ZNRF3: variants seen among roughly 807,000 people sequenced by gnomAD.
ZNRF3 encodes E3 ubiquitin-protein ligase ZNRF3.
A neutral mutation model predicts 72.5 loss-of-function variants in ZNRF3; 23 were observed. That is an observed-to-expected ratio of 0.32 (90% CI 0.23 to 0.45). The LOEUF (loss-of-function observed/expected upper bound fraction) is 0.45, where lower values mean the gene tolerates loss of function less well. Among genes scored for constraint, ZNRF3 ranks in the 20% least tolerant of loss-of-function variants. The probability of loss-of-function intolerance (pLI) is 1.00; values close to 1 mark genes in which losing one functional copy is unlikely to be tolerated. For missense variants in ZNRF3, 1,169 were observed against 1,272.1 expected, an observed-to-expected ratio of 0.92 and a Z score of 1.23; for synonymous variants, 610 against 545.3, an observed-to-expected ratio of 1.12 and a Z score of -1.65.
At chr22:28,977,480 C>T (rs936004749) in intron 1 of ZNRF3, among the ~76,000 whole-genome samples, 6 of 152,102 alleles carry the variant, frequency 3.9e-5, no homozygotes, top group African/African-American at 1.4e-4. Flanking sequence ...GTCCTTTTTC[C>T]TTTCTTTCAC....
chr22:29,023,919 T>C (rs1021034648), intron 2 of ZNRF3, among the ~76,000 whole-genome samples: 3 of 152,094 alleles, frequency 2.0e-5, no homozygotes, highest in African/African-American at 7.2e-5. Flanking sequence ...TTGTGGGGGT[T>C]ACATAGTGCT....
chr22:28,888,902 G>A (rs1273307678), intron 1 of ZNRF3, among the ~76,000 whole-genome samples: 3 of 152,080 alleles, frequency 2.0e-5, no homozygotes, highest in Non-Finnish European at 4.4e-5. Context: ...TGGATCACAA[G>A]GTCAGGAGTT....
intron 1 of ZNRF3, among the ~76,000 whole-genome samples, chr22:28,917,227 A>G (rs1377903005): frequency 6.6e-6 from 1 of 151,368 alleles, no homozygotes. Context: ...TTGGGGTTCC[A>G]GTAGAGTCCA....
intron 1 of ZNRF3, among the ~76,000 whole-genome samples, chr22:28,949,381 C>T (rs2064236765): frequency 6.6e-6 from 1 of 152,142 alleles, no homozygotes; most frequent in African/African-American, 2.4e-5. Context: ...CTCAAGTGAT[C>T]CTTCCACCTC....
In ZNRF3 at chr22:29,008,888, G is replaced by A. The variant is rs1206258685; in HGVS notation, c.426+21687G>A. ...CCAATTACTCTTTTTTGTTAACTAA[G>A]AAGATTTATACTGCTGTTGTGCTAG... On this transcript the variant is annotated intron_variant, in intron 2 of 8. Coordinates refer to ENST00000544604, the MANE Select transcript of ZNRF3 (RefSeq NM_001206998.2). 3.3e-5 allele frequency among the ~76,000 whole-genome samples: 5 copies of A among 152,204 alleles called. No homozygotes were observed. In the East Asian group the frequency reaches 9.6e-4, roughly 29 times the overall value.
chr22:29,043,638 T>C (rs1278129578), intron 4 of ZNRF3, among the ~76,000 whole-genome samples: 1 of 152,144 alleles, frequency 6.6e-6, no homozygotes, highest in African/African-American at 2.4e-5. Context: ...CTACCAGAAA[T>C]AGATACTTTT....
chr22:28,935,110 A>T (rs559003244), intron 1 of ZNRF3, among the ~76,000 whole-genome samples: 1 of 152,274 alleles, frequency 6.6e-6, no homozygotes, highest in South Asian at 2.1e-4. Context: ...TTTCTTCTGG[A>T]AGCTTCAGGC....
intron 8 of ZNRF3, among the ~76,000 whole-genome samples, chr22:29,051,907 C>A (rs1007997181): frequency 2.9e-4 from 44 of 151,806 alleles, no homozygotes; most frequent in Middle Eastern, 6.8e-3. Context: ...AAACCTAGGC[C>A]CCATCCCTGT....
chr22:29,023,521 C>A (rs2036573900), intron 2 of ZNRF3, among the ~76,000 whole-genome samples: 1 of 152,218 alleles, frequency 6.6e-6, no homozygotes, highest in Admixed American at 6.5e-5. Flanking sequence ...AGTGGAGAAG[C>A]AGGCTGCTTC....
At chr22:28,958,287 C>T (rs2123801199) in intron 1 of ZNRF3, among the ~76,000 whole-genome samples, 1 of 152,328 alleles carries the variant, frequency 6.6e-6, no homozygotes, top group South Asian at 2.1e-4. Context: ...AACTTAGTAA[C>T]CACTTGGTCT....
At chr22:29,051,033 C>A in intron 8 of ZNRF3, 85 bp downstream of exon 8, 1 of 1,416,838 alleles carries the variant, frequency 7.1e-7, no homozygotes, top group East Asian at 2.3e-5. Context: ...TTCTGAATGA[C>A]TTCTTTTGTG....
chr22:29,010,477 C>T (rs2036330359), intron 2 of ZNRF3, among the ~76,000 whole-genome samples: 1 of 152,042 alleles, frequency 6.6e-6, no homozygotes, highest in Admixed American at 6.6e-5. Context: ...ATCTACATAC[C>T]ACGTTTTGGT....
At chr22:28,902,330 A>G (rs1284532948) in intron 1 of ZNRF3, among the ~76,000 whole-genome samples, 1 of 151,940 alleles carries the variant, frequency 6.6e-6, no homozygotes, top group Non-Finnish European at 1.5e-5. Flanking sequence ...AGTTGGGAGG[A>G]CAGAGCAGTA....
In ZNRF3 at chr22:29,048,251, G is replaced by A; in HGVS notation, c.913-138G>A. The A allele has an allele frequency of 1.6e-6, 1 of 621,188 alleles. No individual in the cohort carries two copies. The highest frequency in any genetic ancestry group is 2.1e-5 in the South Asian group (1 of 46,534). The allele number at this position is 621,188 out of a possible 1,614,324, so 38.5% of individuals were successfully genotyped here. ...GTGGGCCCTGCTTCTAGGGAATTGA[G>A]CCCTAATTGGAGGTGGGGAGGAGAG... On this transcript the variant is annotated intron_variant, in intron 6 of 8. Transcript: ENST00000544604. The surrounding 1 kb of genome is among the most constrained non-coding windows in gnomAD (Gnocchi z 4.9).
intron 1 of ZNRF3, among the ~76,000 whole-genome samples, chr22:28,899,280 T>C (rs920655951): frequency 6.6e-6 from 1 of 152,174 alleles, no homozygotes; most frequent in Non-Finnish European, 1.5e-5. Flanking sequence ...GACTCTTGTG[T>C]TTAAATTTGC....
Position 29,055,411 on chromosome 22 carries a change from C to T in ZNRF3, c.*1789C>T, listed in dbSNP as rs1255856094. On this transcript the variant is annotated 3_prime_UTR_variant, in exon 9 of 9. Transcript: ENST00000544604. ...ACCACCTGGGTTCTCCAGTCTTGAA[C>T]GAGAATCTCACTCTTATCAGAATGT... The T allele has an allele frequency of 1.3e-5, 2 of 152,198 alleles. No homozygotes were observed. Among genetic ancestry groups the T allele is most frequent in the South Asian group, 2.1e-4 (1 of 4,832 alleles). The allele number at this position is 152,198 out of a possible 1,614,324, so 9.4% of individuals were successfully genotyped here. A position where few individuals can be genotyped will look rare whatever the true frequency, so the allele number is the denominator to read the frequency against.
intron 1 of ZNRF3, among the ~76,000 whole-genome samples, chr22:28,941,947 C>T (rs2034955076): frequency 1.3e-5 from 2 of 152,170 alleles, no homozygotes; most frequent in African/African-American, 4.8e-5. Context: ...AAGAGCTAAA[C>T]TCTGTCTCAA....
chr22:29,013,289 G>A (rs1006775392), intron 2 of ZNRF3, among the ~76,000 whole-genome samples: 2 of 152,060 alleles, frequency 1.3e-5, no homozygotes, highest in Non-Finnish European at 2.9e-5. Flanking sequence ...GTTAGCTGTC[G>A]GGCAAAATGA....
Position 29,052,670 on chromosome 22 carries a change from C to T in ZNRF3, c.2768-909C>T, listed in dbSNP as rs1189322796. Among the ~76,000 whole-genome samples the T allele has an allele frequency of 1.5e-4, 22 of 144,128 alleles. No individual in the cohort carries two copies. The East Asian group carries it at 3.3e-3, about 21-fold the overall frequency. 94.6% of individuals were successfully genotyped at this position (144,128 alleles called of 152,430 possible). A position where few individuals can be genotyped will look rare whatever the true frequency, so the allele number is the denominator to read the frequency against. On this transcript the variant is annotated intron_variant, in intron 8 of 8. Coordinates refer to ENST00000544604, the MANE Select transcript of ZNRF3 (RefSeq NM_001206998.2). Reference sequence around the variant, plus strand: ...ATCGCCCCATCGTACTCCAGCCTGGCGACAGAGCGAGACTCCGTCTCAAAA... The same window carrying T: ...ATCGCCCCATCGTACTCCAGCCTGGTGACAGAGCGAGACTCCGTCTCAAAA...
Sources: gnomAD v4.1 joint callset for allele counts (sites outside exome capture counted in the v4.1 genomes callset) on GRCh38, gnomAD v4.1.1 for gene constraint, Gnocchi (gnomAD v3.1) non-coding constraint, MANE v1.5 for transcripts, NCBI Gene and HGNC (gene_info 2026-07-23, HGNC 2026-07-21) for gene names.